Variants in ZMAT4 observed in about 807,000 individuals in gnomAD.
ZMAT4 encodes the protein zinc finger matrin-type protein 4.
ZMAT4 carries 17 observed loss-of-function variants against 28.7 expected under a neutral mutation model. The ratio of observed to expected loss-of-function variants is 0.59; its 90% CI spans 0.41 to 0.89. ZMAT4 has a LOEUF of 0.89. ZMAT4 is among the 40% of genes least tolerant of loss of function. The pLI is 0.00. For missense variants in ZMAT4, 240 were observed against 283.8 expected, an observed-to-expected ratio of 0.85 and a Z score of 1.11; for synonymous variants, 117 against 109.2, an observed-to-expected ratio of 1.07 and a Z score of -0.44.
At chr8:40,754,388 G>C (rs1812586724) in intron 3 of ZMAT4, among the ~76,000 whole-genome samples, 1 of 152,050 alleles carries the variant, frequency 6.6e-6, no homozygotes, top group South Asian at 2.1e-4. Flanking sequence ...CTCTGTATCA[G>C]ATTCTAGGCA....
intron 3 of ZMAT4, among the ~76,000 whole-genome samples, chr8:40,727,446 C>T (rs1423980477): frequency 6.6e-6 from 1 of 152,214 alleles, no homozygotes; most frequent in African/African-American, 2.4e-5. Flanking sequence ...GCAAAGGCCA[C>T]AGCTTAATCC....
chr8:40,807,588 G>C lies in ZMAT4; in HGVS notation c.102+17987C>G, dbSNP rs114880025. Among the ~76,000 whole-genome samples, 989 of 152,236 alleles carry C rather than the reference G, an allele frequency of 6.5e-3. 14 individuals are homozygous for C. Among genetic ancestry groups the C allele is most frequent in the African/African-American group, 0.022 (931 of 41,544 alleles). ...CATGGCTCTTTATTTTTATGAAACA[G>C]ACTATGTACCTCTCTGCCACATTCA... On this transcript the variant is annotated intron_variant, in intron 2 of 6. Coordinates refer to ENST00000297737, the MANE Select transcript of ZMAT4 (RefSeq NM_024645.3).
intron 2 of ZMAT4, among the ~76,000 whole-genome samples, chr8:40,779,797 A>C (rs916637349): frequency 1.3e-5 from 2 of 152,162 alleles, no homozygotes; most frequent in Non-Finnish European, 2.9e-5. Flanking sequence ...AGGAAAAGAA[A>C]CCAGACTGAG....
chr8:40,586,879 G>C (rs775709616), intron 5 of ZMAT4, among the ~76,000 whole-genome samples: 1 of 152,136 alleles, frequency 6.6e-6, no homozygotes, highest in Non-Finnish European at 1.5e-5. Context: ...GGTTGTGAAA[G>C]TGTTGCACAG....
At chr8:40,755,212 C>T (rs1037375250) in intron 3 of ZMAT4, among the ~76,000 whole-genome samples, 1 of 152,152 alleles carries the variant, frequency 6.6e-6, no homozygotes, top group Admixed American at 6.5e-5. Context: ...GAAACTCTAA[C>T]AGCCACAAAC....
intron 3 of ZMAT4, among the ~76,000 whole-genome samples, chr8:40,710,761 T>C (rs982431179): frequency 6.6e-6 from 1 of 151,692 alleles, no homozygotes. Flanking sequence ...AATGAGACAA[T>C]TGGATCTTTA....
intron 1 of ZMAT4, among the ~76,000 whole-genome samples, chr8:40,895,392 T>C (rs1413092161): frequency 6.6e-6 from 1 of 152,254 alleles, no homozygotes; most frequent in African/African-American, 2.4e-5. Flanking sequence ...GCAGAGGCGC[T>C]GGGTCCTGGG....
chr8:40,797,295 G>A (rs1487570661), intron 2 of ZMAT4, among the ~76,000 whole-genome samples: 1 of 152,182 alleles, frequency 6.6e-6, no homozygotes, highest in Non-Finnish European at 1.5e-5. Flanking sequence ...AGGGCCACTT[G>A]AGTGATATGA....
At chr8:40,742,781 AC>A (rs369996578) in intron 3 of ZMAT4, among the ~76,000 whole-genome samples, 116,293 of 143,536 alleles carry the variant, frequency 0.81, 45,311 homozygotes, top group South Asian at 0.86. Context: ...ACACACACAC[AC>A]ACACACACAC....
chr8:40,702,953 C>T (rs1477872018), intron 3 of ZMAT4, among the ~76,000 whole-genome samples: 2 of 151,940 alleles, frequency 1.3e-5, no homozygotes, highest in African/African-American at 2.4e-5. Flanking sequence ...CCAGAGATAA[C>T]AATCGATTAA....
chr8:40,893,559 G>A (rs910302509), intron 1 of ZMAT4, among the ~76,000 whole-genome samples: 10 of 152,190 alleles, frequency 6.6e-5, no homozygotes, highest in Admixed American at 6.5e-4. Flanking sequence ...GCTAAAAAGC[G>A]AAGGCCGCCG....
At chr8:40,777,712 G>A (rs1813658423) in intron 2 of ZMAT4, among the ~76,000 whole-genome samples, 1 of 152,130 alleles carries the variant, frequency 6.6e-6, no homozygotes, top group Non-Finnish European at 1.5e-5. Context: ...TTTAGTCTGT[G>A]GGAAAAAACA....
At chr8:40,726,100 C>G (rs183970308) in intron 3 of ZMAT4, among the ~76,000 whole-genome samples, 1 of 152,300 alleles carries the variant, frequency 6.6e-6, no homozygotes, top group East Asian at 1.9e-4. Flanking sequence ...AGTATGCTGG[C>G]TAAATATGAC....
At chr8:40,749,505 T>C (rs1301260034) in intron 3 of ZMAT4, among the ~76,000 whole-genome samples, 4 of 152,172 alleles carry the variant, frequency 2.6e-5, no homozygotes, top group Non-Finnish European at 5.9e-5. Context: ...CATCACATTA[T>C]CTGACCCCTC....
intron 6 of ZMAT4, among the ~76,000 whole-genome samples, chr8:40,547,822 A>G (rs1803250739): frequency 6.6e-6 from 1 of 152,222 alleles, no homozygotes; most frequent in Non-Finnish European, 1.5e-5. Context: ...TTTAATATGG[A>G]GAGACTCACG....
intron 3 of ZMAT4, among the ~76,000 whole-genome samples, chr8:40,710,213 A>G (rs942664915): frequency 1.3e-5 from 2 of 152,142 alleles, no homozygotes; most frequent in South Asian, 4.1e-4. Flanking sequence ...ACTGGGGAGA[A>G]TATGTGCTGC....
intron 5 of ZMAT4, among the ~76,000 whole-genome samples, chr8:40,599,668 C>A (rs1805230171): frequency 6.6e-6 from 1 of 152,212 alleles, no homozygotes; most frequent in African/African-American, 2.4e-5. Context: ...AAGCAGATGG[C>A]CTTGCTGTCC....
chr8:40,766,501 G>A (rs1032093578), intron 3 of ZMAT4, among the ~76,000 whole-genome samples: 3 of 151,858 alleles, frequency 2.0e-5, no homozygotes, highest in African/African-American at 7.3e-5. Flanking sequence ...AACGCTAAGG[G>A]CTAAAAAAAA....
chr8:40,589,869 G>A (rs371306176), intron 5 of ZMAT4, among the ~76,000 whole-genome samples: 17 of 118,406 alleles, frequency 1.4e-4, no homozygotes, highest in South Asian at 5.3e-4. Flanking sequence ...TCTCTCTCCC[G>A]TCCTCTTCCC....
Sources: allele counts gnomAD v4.1 joint callset (sites outside exome capture counted in the v4.1 genomes callset), GRCh38; gene constraint gnomAD v4.1.1; transcripts MANE v1.5; gene names NCBI Gene and HGNC (gene_info 2026-07-23, HGNC 2026-07-21).